BEND5: variants seen among roughly 807,000 people sequenced by gnomAD.
BEND5 encodes BEN domain-containing protein 5.
Under a neutral mutation model 43.9 loss-of-function variants are expected in BEND5, and 22 were observed. That is an observed-to-expected ratio of 0.50 (90% confidence interval 0.36 to 0.72). The LOEUF (loss-of-function observed/expected upper bound fraction) is 0.72, where lower values mean the gene tolerates loss of function less well. Among genes scored for constraint, BEND5 ranks in the 30% least tolerant of loss-of-function variants. The pLI is 0.00. For synonymous variants in BEND5, 228 were observed against 225.9 expected, an observed-to-expected ratio of 1.01 and a Z score of -0.08; for missense variants, 428 against 550.6, an observed-to-expected ratio of 0.78 and a Z score of 2.23.
intron 1 of BEND5, among the ~76,000 whole-genome samples, chr1:48,773,900 AAGG>A (rs1398054740): frequency 2.6e-5 from 4 of 152,248 alleles, no homozygotes; most frequent in Non-Finnish European, 4.4e-5. Flanking sequence ...ATCAGGAAAG[AAGG>A]AGTTTTGTTT....
intron 1 of BEND5, among the ~76,000 whole-genome samples, chr1:48,774,668 A>G (rs1051116272): frequency 3.9e-5 from 6 of 152,230 alleles, no homozygotes; most frequent in Non-Finnish European, 8.8e-5. Flanking sequence ...TTCAAAATTC[A>G]TGGTTCTCAA....
At chr1:48,758,665 C>G (rs1644077759) in intron 3 of BEND5, among the ~76,000 whole-genome samples, 1 of 152,190 alleles carries the variant, frequency 6.6e-6, no homozygotes, top group Admixed American at 6.5e-5. Flanking sequence ...AGCTCTTAGT[C>G]TCTGACCCAT....
At chr1:48,748,202 C>A (rs1185980560) in intron 3 of BEND5, among the ~76,000 whole-genome samples, 1 of 152,154 alleles carries the variant, frequency 6.6e-6, no homozygotes, top group Non-Finnish European at 1.5e-5. Flanking sequence ...AGGGAAGATG[C>A]CTCCGGAGCT....
chr1:48,736,292 T>C lies in BEND5; in HGVS notation c.1055A>G (p.Lys352Arg). The C allele has an allele frequency of 6.2e-7, 1 of 1,614,212 alleles. No homozygotes were observed. Among genetic ancestry groups the C allele is most frequent in the Non-Finnish European group, 8.5e-7 (1 of 1,180,036 alleles). ...SVTGVATKKK[K>R]DAVPKPPLSP... ...GAGGGGTGGTTTAGGGACTGCATCTTTCTTTTTTTTTGTGGCGACGCCTGT... is the reference window on the plus strand; with the variant it reads ...GAGGGGTGGTTTAGGGACTGCATCTCTCTTTTTTTTTGTGGCGACGCCTGT... Residue 352 changes from lysine to arginine, a missense_variant, in exon 5 of 6, where the codon AAA becomes AGA. By Grantham distance (26) the Lys-to-Arg change is conservative. Around this residue, in one of 4 missense-constraint regions of BEND5, gnomAD observed 75 missense variants for 148.5 expected, o/e 0.50. Transcript: ENST00000371833. This position sits in a 1 kb window ranked among gnomAD's most constrained non-coding sequence, Gnocchi z 4.0.
chr1:48,743,010 A>C (rs570600316), intron 3 of BEND5, among the ~76,000 whole-genome samples: 1 of 152,140 alleles, frequency 6.6e-6, no homozygotes, highest in East Asian at 1.9e-4. Context: ...AATGAAGAGC[A>C]CTCTTCCAGG....
rs756507130 is a variant in BEND5, at chr1:48,759,052, C to T, written c.593G>A (p.Arg198His). Residue 198 changes from arginine (R) to histidine (H), a missense_variant, in exon 3 of 6, where the codon CGC (arginine) becomes CAC (histidine). Coordinates refer to ENST00000371833, the MANE Select transcript of BEND5 (RefSeq NM_024603.4). Reference sequence around the variant, plus strand: ...CCGCTCCAGCTCCTGCTGGAGGTGGCGCATCTCTTCCTGTTGCTGCTGGTA... The same window carrying T: ...CCGCTCCAGCTCCTGCTGGAGGTGGTGCATCTCTTCCTGTTGCTGCTGGTA... The part of the protein sequence containing the change: ...RNYQQQQEEM[R>H]HLQQELERTR... The T allele has an allele frequency of 9.3e-6, 15 of 1,613,574 alleles. 1 individual carries two copies. Among genetic ancestry groups the T allele is most frequent in the Admixed American group, 6.7e-5 (4 of 59,900 alleles).
At chr1:48,758,589 C>T (rs939139230) in intron 3 of BEND5, among the ~76,000 whole-genome samples, 3 of 152,218 alleles carry the variant, frequency 2.0e-5, no homozygotes, top group South Asian at 2.1e-4. Context: ...AGGTTCCCTA[C>T]GATCCCTGTT....
At chr1:48,771,160 T>C (rs189143712) in intron 1 of BEND5, among the ~76,000 whole-genome samples, 2 of 152,220 alleles carry the variant, frequency 1.3e-5, no homozygotes, top group African/African-American at 2.4e-5. Context: ...TATAACTCAA[T>C]ACTTGTGGAA....
chr1:48,752,733 A>T (rs1280826486), intron 3 of BEND5, among the ~76,000 whole-genome samples: 1 of 151,996 alleles, frequency 6.6e-6, no homozygotes, highest in Non-Finnish European at 1.5e-5. Context: ...CAGGCAGATG[A>T]CTTTACTGCA....
chr1:48,776,694 T>C lies in BEND5; in HGVS notation c.138A>G (p.Glu46=). ...GGGGGCTCTCGGGCCCGGCGCCCAATTCCTCCGGGCCCCGGTACACGGCGT... is the reference window on the plus strand; with the variant it reads ...GGGGGCTCTCGGGCCCGGCGCCCAACTCCTCCGGGCCCCGGTACACGGCGT... The part of the protein sequence containing the change: ...KVYAVYRGPE[E]LGAGPESPPR... The change falls in exon 1 of 6, where the codon GAA becomes GAG. Residue 46 remains glutamate (E), a synonymous_variant. Coordinates refer to ENST00000371833, the MANE Select transcript of BEND5 (RefSeq NM_024603.4). The C allele has an allele frequency of 6.6e-7, 1 of 1,515,274 alleles. No homozygotes were observed. The highest frequency in any genetic ancestry group is 8.8e-7 in the Non-Finnish European group (1 of 1,132,770). The allele number at this position is 1,515,274 out of a possible 1,614,324, so 93.9% of individuals were successfully genotyped here. A position where few individuals can be genotyped will look rare whatever the true frequency, so the allele number is the denominator to read the frequency against.
intron 1 of BEND5, among the ~76,000 whole-genome samples, chr1:48,766,888 T>G (rs1301645332): frequency 6.6e-6 from 1 of 152,248 alleles, no homozygotes; most frequent in African/African-American, 2.4e-5. Context: ...CTATGCTAAG[T>G]AGTCCTTGTG....
rs1324548000 is a variant in BEND5 at position 48,776,730 on chromosome 1, G to T, written c.102C>A (p.Asn34Lys). 9 of 1,528,344 alleles carry T rather than the reference G, an allele frequency of 5.9e-6. No individual in the cohort carries two copies. The highest frequency in any genetic ancestry group is 7.0e-6 in the Non-Finnish European group (8 of 1,138,250). The allele number at this position is 1,528,344 out of a possible 1,614,324, so 94.7% of individuals were successfully genotyped here. A position where few individuals can be genotyped will look rare whatever the true frequency, so the allele number is the denominator to read the frequency against. Residue 34 changes from asparagine (N) to lysine (K), a missense_variant, in exon 1 of 6, where the codon AAC becomes AAA. This residue lies in a region of BEND5 where 107 missense variants were observed against 98.8 expected (regional missense o/e 1.08). Transcript: ENST00000371833. Reference protein sequence around the residue: ...FSPRSRLDFDNQKVYAVYRGP... With the variant: ...FSPRSRLDFDKQKVYAVYRGP... ...CCCGGTACACGGCGTACACCTTCTG[G>T]TTGTCAAAATCCAGCCGCGAGCGGG...
At chr1:48,740,320 AG>A (rs1346057938) in intron 4 of BEND5, among the ~76,000 whole-genome samples, 2 of 152,192 alleles carry the variant, frequency 1.3e-5, no homozygotes, top group African/African-American at 4.8e-5. Context: ...GGGAACCAGG[AG>A]GTCTGGCTTT....
At chr1:48,762,670 A>G (rs115840745) in intron 1 of BEND5, among the ~76,000 whole-genome samples, 95 of 136,896 alleles carry the variant, frequency 6.9e-4, no homozygotes, top group African/African-American at 2.6e-3. Context: ...ATGTATTTGC[A>G]TGTGTTAAAC....
intron 2 of BEND5, 62 bp from the exon 3 acceptor site, chr1:48,759,346 T>C (rs1644131587): frequency 1.3e-6 from 2 of 1,516,342 alleles, no homozygotes; most frequent in Non-Finnish European, 1.8e-6. Flanking sequence ...GGACTGCAGA[T>C]CAATATTTCC....
At chr1:48,743,291 C>T (rs1298443793) in intron 3 of BEND5, among the ~76,000 whole-genome samples, 4 of 152,156 alleles carry the variant, frequency 2.6e-5, no homozygotes, top group Non-Finnish European at 5.9e-5. Context: ...AAACACAATA[C>T]ACATTAAGCC....
Position 48,742,684 on chromosome 1 carries a change from G to A in BEND5, c.833C>T (p.Thr278Met), listed in dbSNP as rs1180213008. The A allele has an allele frequency of 3.1e-6, 5 of 1,611,338 alleles. No individual in the cohort carries two copies. Among genetic ancestry groups the A allele is most frequent in the African/African-American group, 1.3e-5 (1 of 74,848 alleles). Reference protein sequence around the residue: ...LRSTFSEEANTSSYYPAPAPV... With the variant: ...LRSTFSEEANMSSYYPAPAPV... ...CGCAGGAGCGGGGTAATAGGACGAC[G>A]TATTTGCTTCCTCACTGAAAGTGCT... Residue 278 changes from threonine (T) to methionine (M), a missense_variant, in exon 4 of 6, where the codon ACG becomes ATG. Thr to Met is a moderately conservative substitution (Grantham distance 81). Coordinates refer to ENST00000371833, the MANE Select transcript of BEND5 (RefSeq NM_024603.4).
chr1:48,731,887 G>T (rs1648197940), intron 5 of BEND5, among the ~76,000 whole-genome samples: 1 of 152,076 alleles, frequency 6.6e-6, no homozygotes, highest in South Asian at 2.1e-4. Flanking sequence ...GGTGGTCAAG[G>T]GATATCTGGT....
chr1:48,761,445 ACT>A lies in BEND5; in HGVS notation c.250_251del (p.Ser84CysfsTer14). The A allele has an allele frequency of 6.4e-7, 1 of 1,551,190 alleles. No homozygotes were observed. Among genetic ancestry groups the A allele is most frequent in the East Asian group, 2.4e-5 (1 of 40,900 alleles). Reference sequence around the variant, plus strand: ...GGATTTTTATTTTCTTCTGCATCACACTGTTTTCAAGGTCAGATTTGTCTTCT... The same window carrying A: ...GGATTTTTATTTTCTTCTGCATCACAGTTTTCAAGGTCAGATTTGTCTTCT... ...LAEDKSDLENSVMQKKIKIPK... is the reference protein window; with the variant it reads ...LAEDKSDLENXVMQKKIKIPK... On this transcript the variant is annotated frameshift_variant, in exon 2 of 6. Transcript: ENST00000371833. LOFTEE classifies it high-confidence loss of function.
Sources: gnomAD v4.1 joint callset for allele counts (sites outside exome capture counted in the v4.1 genomes callset) on GRCh38, gnomAD v4.1.1 for gene constraint, gnomAD v4.1.1 regional missense constraint, Gnocchi (gnomAD v3.1) non-coding constraint, MANE v1.5 for transcripts, NCBI Gene and HGNC (gene_info 2026-07-23, HGNC 2026-07-21) for gene names.